Variants in NAV3 observed in about 807,000 individuals in gnomAD.
The protein encoded by NAV3 is pore membrane and/or filament interacting like protein 1.
NAV3 carries 87 observed loss-of-function variants against 244.7 expected under a neutral mutation model. That is an observed-to-expected ratio of 0.36 (90% confidence interval 0.30 to 0.42). The LOEUF is 0.42. Ranked by LOEUF, NAV3 falls within the 20% of genes least tolerant of loss-of-function variation. The pLI, the probability that NAV3 is intolerant of heterozygous loss-of-function variation, is 1.00. For synonymous variants in NAV3, 1,126 were observed against 1,042.2 expected (o/e 1.08, Z -1.55); for missense variants, 2,663 against 2,893.3 (o/e 0.92, Z 1.83).
intron 34 of NAV3, among the ~76,000 whole-genome samples, chr12:78,195,372 A>T (rs968470195): frequency 1.1e-4 from 17 of 151,208 alleles, no homozygotes; most frequent in African/African-American, 3.9e-4. Context: ...TATTATTATT[A>T]TTTGCTTTTT....
At chr12:77,973,298 A>C (rs1439258038) in intron 5 of NAV3, among the ~76,000 whole-genome samples, 3 of 152,230 alleles carry the variant, frequency 2.0e-5, no homozygotes, top group African/African-American at 7.2e-5. Context: ...ATGTGAAAGT[A>C]GAGGTAAGAG....
At chr12:78,194,757 T>A (rs928378918) in intron 34 of NAV3, among the ~76,000 whole-genome samples, 2 of 152,076 alleles carry the variant, frequency 1.3e-5, no homozygotes, top group Non-Finnish European at 2.9e-5. Context: ...TATTCTTAGC[T>A]TTTTTCCTAC....
At chr12:77,592,921 G>GAATTCTACAA (rs1469830116) in intron 2 of NAV3, among the ~76,000 whole-genome samples, 1 of 152,136 alleles carries the variant, frequency 6.6e-6, no homozygotes, top group African/African-American at 2.4e-5. Flanking sequence ...AATACCAGAG[G>GAATTCTACAA]AATTCTACAA....
chr12:77,574,123 C>CTA (rs1233850153), intron 2 of NAV3, among the ~76,000 whole-genome samples: 1 of 152,138 alleles, frequency 6.6e-6, no homozygotes, highest in Non-Finnish European at 1.5e-5. Flanking sequence ...CCCCATCTCA[C>CTA]TATAGCCTCG....
chr12:77,737,766 C>T (rs886605714), intron 2 of NAV3, among the ~76,000 whole-genome samples: 15 of 152,266 alleles, frequency 9.9e-5, no homozygotes, highest in African/African-American at 3.6e-4. Flanking sequence ...GTTGGTCTAC[C>T]TTCCACCATG....
chr12:77,752,140 G>A (rs1473129690), intron 2 of NAV3, among the ~76,000 whole-genome samples: 1 of 152,090 alleles, frequency 6.6e-6, no homozygotes, highest in African/African-American at 2.4e-5. Context: ...TCCATAAAAG[G>A]TATGAGTTTT....
chr12:78,119,931 A>C lies in NAV3; in HGVS notation c.3735A>C (p.Ser1245=). The C allele has an allele frequency of 6.2e-7, 1 of 1,611,728 alleles. No homozygotes were observed. The highest frequency in any genetic ancestry group is 1.1e-5 in the South Asian group (1 of 91,024). ...GATCCAAGTATCCAGATATTGCCTC[A>C]CCCACATTTCGAAGGTAAGGATGTA... ...QPGSKYPDIA[S]PTFRRLFGAK... is the part of the protein sequence containing the mutation. Residue 1245 remains serine, a synonymous_variant, in exon 15 of 40, where the codon TCA becomes TCC. Transcript: ENST00000397909.
intron 28 of NAV3, chr12:78,179,321 A>T (rs1478189473): frequency 4.3e-6 from 2 of 465,914 alleles, no homozygotes; most frequent in Admixed American, 8.3e-5. Flanking sequence ...AATAGAAAAA[A>T]AGATTAAAAG....
chr12:78,017,978 A>G (rs141503733), intron 8 of NAV3, among the ~76,000 whole-genome samples: 331 of 152,312 alleles, frequency 2.2e-3, no homozygotes, highest in African/African-American at 7.7e-3. Context: ...TAACATCAGT[A>G]GACATTTCTG....
intron 8 of NAV3, among the ~76,000 whole-genome samples, chr12:78,021,494 A>G (rs752232423): frequency 2.0e-5 from 3 of 152,180 alleles, no homozygotes; most frequent in Non-Finnish European, 4.4e-5. Flanking sequence ...ATTATAATCA[A>G]CTATTGGTAG....
At chr12:77,935,183 G>T (rs1407193136) in intron 1 of NAV3, among the ~76,000 whole-genome samples, 2 of 152,046 alleles carry the variant, frequency 1.3e-5, no homozygotes, top group Non-Finnish European at 2.9e-5. Context: ...GGAGCAGCTT[G>T]CTGTGACAGA....
chr12:77,747,540 C>A (rs944626770), intron 2 of NAV3, among the ~76,000 whole-genome samples: 1 of 152,138 alleles, frequency 6.6e-6, no homozygotes, highest in Non-Finnish European at 1.5e-5. Context: ...TGGGTATACA[C>A]CCAAAGGACT....
chr12:77,936,655 A>T (rs765278033), intron 1 of NAV3, among the ~76,000 whole-genome samples: 55 of 152,310 alleles, frequency 3.6e-4, no homozygotes, highest in Non-Finnish European at 6.3e-4. Context: ...AATGTTAAAT[A>T]CTGTGATTAT....
At chr12:77,632,725 T>C (rs1871969587) in intron 2 of NAV3, among the ~76,000 whole-genome samples, 1 of 152,208 alleles carries the variant, frequency 6.6e-6, no homozygotes, top group African/African-American at 2.4e-5. Context: ...CTTATACTAC[T>C]ATAATAGTAA....
chr12:77,572,870 G>C (rs1029239437), intron 2 of NAV3, among the ~76,000 whole-genome samples: 1 of 151,886 alleles, frequency 6.6e-6, no homozygotes, highest in African/African-American at 2.4e-5. Context: ...TAAGAAGTGG[G>C]GATTGAATAC....
intron 5 of NAV3, among the ~76,000 whole-genome samples, chr12:77,977,179 G>A (rs114527089): frequency 4.5e-4 from 68 of 152,114 alleles, no homozygotes; most frequent in African/African-American, 1.5e-3. Context: ...CTGACTTACC[G>A]CTTTTGCACT....
intron 1 of NAV3, among the ~76,000 whole-genome samples, chr12:77,903,597 G>A (rs1432836337): frequency 6.6e-6 from 1 of 152,164 alleles, no homozygotes; most frequent in Non-Finnish European, 1.5e-5. Context: ...AGGACTTCAT[G>A]TCTAAAACAC....
intron 2 of NAV3, among the ~76,000 whole-genome samples, chr12:77,584,491 G>T (rs2136689286): frequency 6.6e-6 from 1 of 151,910 alleles, no homozygotes; most frequent in Non-Finnish European, 1.5e-5. Context: ...AATGCTTATG[G>T]GTATGCTGTC....
intron 2 of NAV3, among the ~76,000 whole-genome samples, chr12:77,575,554 C>G (rs561821427): frequency 6.6e-6 from 1 of 152,190 alleles, no homozygotes; most frequent in Admixed American, 6.5e-5. Context: ...CAATCAAATC[C>G]AGTGAGGTTT....
Sources: allele counts gnomAD v4.1 joint callset (sites outside exome capture counted in the v4.1 genomes callset), GRCh38; gene constraint gnomAD v4.1.1; transcripts MANE v1.5; gene names NCBI Gene and HGNC (gene_info 2026-07-23, HGNC 2026-07-21).